The following NKAIN3 variants were observed in gnomAD, a reference collection of about 807,000 sequenced individuals.
NKAIN3 encodes sodium/potassium-transporting ATPase subunit beta-1-interacting protein 3.
A neutral mutation model predicts 30.2 loss-of-function variants in NKAIN3; 25 were observed. The observed-to-expected ratio is 0.83, with a 90% CI of 0.60 to 1.16. The LOEUF is 1.16. Ranked by LOEUF, NKAIN3 falls within the 50% of genes most tolerant of loss-of-function variation. The pLI is 0.00. For synonymous variants in NKAIN3, 91 were observed against 89.6 expected, an observed-to-expected ratio of 1.02 and a Z score of -0.09; for missense variants, 225 against 254.1, an observed-to-expected ratio of 0.89 and a Z score of 0.78.
intron 2 of NKAIN3, among the ~76,000 whole-genome samples, chr8:62,585,871 A>T (rs1013498952): frequency 1.3e-5 from 2 of 151,992 alleles, no homozygotes; most frequent in African/African-American, 2.4e-5. Flanking sequence ...CTATCTGTTT[A>T]CTCCTCGGTC....
chr8:62,517,100 A>G (rs1366988241), intron 1 of NKAIN3, among the ~76,000 whole-genome samples: 1 of 152,176 alleles, frequency 6.6e-6, no homozygotes, highest in Admixed American at 6.6e-5. Flanking sequence ...TTTCAAAATT[A>G]GCACATAAAT....
At chr8:62,322,832 C>T (rs1814982979) in intron 1 of NKAIN3, among the ~76,000 whole-genome samples, 1 of 152,132 alleles carries the variant, frequency 6.6e-6, no homozygotes, top group Admixed American at 6.5e-5. Context: ...TATGATGACT[C>T]TGAAAACTCA....
chr8:62,367,911 G>A (rs1816788604), intron 1 of NKAIN3, among the ~76,000 whole-genome samples: 2 of 152,074 alleles, frequency 1.3e-5, no homozygotes, highest in Non-Finnish European at 2.9e-5. Flanking sequence ...ACAAAAGTCA[G>A]TAGTGTCTCT....
At chr8:62,291,711 C>T (rs1359608560) in intron 1 of NKAIN3, among the ~76,000 whole-genome samples, 1 of 152,138 alleles carries the variant, frequency 6.6e-6, no homozygotes, top group African/African-American at 2.4e-5. Context: ...AATGTATATT[C>T]TGTTGATTTG....
At chr8:62,762,300 G>A (rs746363840) in intron 4 of NKAIN3, among the ~76,000 whole-genome samples, 113 of 142,574 alleles carry the variant, frequency 7.9e-4, no homozygotes, top group Non-Finnish European at 8.5e-4. Flanking sequence ...TGGGCAACAA[G>A]AGCAAAACTC....
intron 4 of NKAIN3, among the ~76,000 whole-genome samples, chr8:62,843,765 C>T (rs901606490): frequency 1.3e-5 from 2 of 152,060 alleles, no homozygotes; most frequent in Admixed American, 1.3e-4. Context: ...CAATAGGGAA[C>T]TAATAGAGTG....
intron 1 of NKAIN3, among the ~76,000 whole-genome samples, chr8:62,303,825 T>G (rs1814133989): frequency 6.6e-6 from 1 of 150,706 alleles, no homozygotes; most frequent in African/African-American, 2.5e-5. Flanking sequence ...TTTTTAATAC[T>G]GTAAGATTAT....
chr8:62,731,445 A>G (rs765046317), intron 3 of NKAIN3, among the ~76,000 whole-genome samples: 2 of 152,112 alleles, frequency 1.3e-5, no homozygotes, highest in African/African-American at 2.4e-5. Flanking sequence ...TTAACCCTCA[A>G]TACAAGGAAA....
At position 62,717,604 on chromosome 8, in the gene NKAIN3, T is replaced by C. The variant is rs149505214; in HGVS notation, c.274-29328T>C. Among the ~76,000 whole-genome samples, 178 of 152,324 alleles carry C rather than the reference T, an allele frequency of 1.2e-3. 1 individual carries two copies. Among genetic ancestry groups the C allele is most frequent in the African/African-American group, 3.9e-3 (161 of 41,586 alleles). On this transcript the variant is annotated intron_variant, in intron 3 of 6. Transcript: ENST00000623646. Reference sequence around the variant, plus strand: ...TTGGTCAAATTAATGTTTAAAAGTGTTCAGTATTAATATATGCACATATTG... The same window carrying C: ...TTGGTCAAATTAATGTTTAAAAGTGCTCAGTATTAATATATGCACATATTG...
At chr8:62,667,318 T>C (rs1481751319) in intron 3 of NKAIN3, among the ~76,000 whole-genome samples, 1 of 127,532 alleles carries the variant, frequency 7.8e-6, no homozygotes, top group Non-Finnish European at 1.5e-5. Context: ...TATATATTTA[T>C]ATATATATAT....
intron 4 of NKAIN3, among the ~76,000 whole-genome samples, chr8:62,811,684 T>C (rs1166495380): frequency 1.3e-5 from 2 of 152,200 alleles, no homozygotes; most frequent in South Asian, 4.1e-4. Context: ...TGGTAAAATG[T>C]CTATTTGTGT....
downstream of NKAIN3, among the ~76,000 whole-genome samples, chr8:62,987,832 A>G (rs555254579): frequency 7.4e-4 from 113 of 152,284 alleles, 1 homozygote; most frequent in African/African-American, 2.6e-3. Flanking sequence ...GTCTTAACTC[A>G]TTACAGCATT....
At chr8:62,447,473 C>A (rs1021102440) in intron 1 of NKAIN3, among the ~76,000 whole-genome samples, 1 of 151,920 alleles carries the variant, frequency 6.6e-6, no homozygotes, top group Non-Finnish European at 1.5e-5. Context: ...TGGCACCAAG[C>A]GATAGGTCTA....
intron 1 of NKAIN3, among the ~76,000 whole-genome samples, chr8:62,274,201 CCA>C (rs923398039): frequency 2.0e-5 from 3 of 152,106 alleles, no homozygotes; most frequent in African/African-American, 7.2e-5. Flanking sequence ...ATAGCTTGCA[CCA>C]CACACATAAT....
Position 62,550,501 on chromosome 8 carries a change from C to G in NKAIN3, c.55-29038C>G, listed in dbSNP as rs190149232. 1.3e-4 allele frequency among the ~76,000 whole-genome samples: 20 copies of G among 152,322 alleles called. No homozygotes were observed. The East Asian group carries it at 3.7e-3, about 28-fold the overall frequency. ...AGACCTATAGGTTCCTAGAAAATCA[C>G]TGGCATTGGCTGAATTGAACTTGGA... On this transcript the variant is annotated intron_variant, in intron 1 of 6. Transcript: ENST00000623646.
intron 1 of NKAIN3, among the ~76,000 whole-genome samples, chr8:62,252,345 CAAAT>C (rs1409327978): frequency 6.6e-6 from 1 of 152,170 alleles, no homozygotes; most frequent in African/African-American, 2.4e-5. Context: ...GTTAAAGAAA[CAAAT>C]AAAAGCTTTT....
At chr8:62,692,122 ACTTGAAGCCTAGT>A (rs1813986562) in intron 3 of NKAIN3, among the ~76,000 whole-genome samples, 1 of 152,166 alleles carries the variant, frequency 6.6e-6, no homozygotes, top group Non-Finnish European at 1.5e-5. Context: ...TCTCAAGGCC[ACTTGAAGCCTAGT>A]CTTGAGCTGG....
At position 62,983,510 on chromosome 8, in the gene NKAIN3, A is replaced by C. The variant is rs570085594; in HGVS notation, c.*18103A>C. On this transcript the variant is annotated 3_prime_UTR_variant, in exon 7 of 7. Transcript: ENST00000623646. The stretch of plus-strand genomic sequence containing the variant: ...GCAAAAAGCTTGGGGAGTGATAAAA[A>C]CAAATCAAATTCACATTTTAATTTA... 4 of 152,316 alleles carry C rather than the reference A, an allele frequency of 2.6e-5. No homozygotes were observed. The highest frequency in any genetic ancestry group is 9.6e-5 in the African/African-American group (4 of 41,572). 9.4% of individuals were successfully genotyped at this position (152,316 alleles called of 1,614,324 possible).
intron 3 of NKAIN3, among the ~76,000 whole-genome samples, chr8:62,702,824 G>A (rs907978492): frequency 6.6e-6 from 1 of 152,176 alleles, no homozygotes; most frequent in Admixed American, 6.5e-5. Context: ...AGGAAACTTT[G>A]TTTGGTTTCA....
Sources: allele counts gnomAD v4.1 joint callset (sites outside exome capture counted in the v4.1 genomes callset), GRCh38; gene constraint gnomAD v4.1.1; transcripts MANE v1.5; gene names NCBI Gene and HGNC (gene_info 2026-07-23, HGNC 2026-07-21).